GRIN2B: variants seen among roughly 807,000 people sequenced by gnomAD.
GRIN2B encodes glutamate receptor ionotropic, NMDA 2B.
In GRIN2B, 5 loss-of-function variants were observed where a neutral mutation model predicts 114.5. That is an observed-to-expected ratio of 0.04 (90% CI 0.02 to 0.09). The LOEUF is 0.09. GRIN2B is among the 10% of genes least tolerant of loss of function. The pLI is 1.00. For missense variants in GRIN2B, 1,108 were observed against 1,943.5 expected, an observed-to-expected ratio of 0.57 and a Z score of 8.08; for synonymous variants, 787 against 745.1, an observed-to-expected ratio of 1.06 and a Z score of -0.92.
At chr12:13,692,760 C>CTTTTTTTTTTTTTTTTTTT (rs71067718) in intron 4 of GRIN2B, among the ~76,000 whole-genome samples, 10 of 52,120 alleles carry the variant, frequency 1.9e-4, no homozygotes, top group East Asian at 3.0e-4. Context: ...TCTTTCTTTT[C>CTTTTTTTTTTTTTTTTTTT]TTTTTTTTTT....
chr12:13,807,403 T>G (rs1262679751), intron 3 of GRIN2B, among the ~76,000 whole-genome samples: 1 of 152,130 alleles, frequency 6.6e-6, no homozygotes, highest in Non-Finnish European at 1.5e-5. Flanking sequence ...ACTAGCTCAC[T>G]CGTTCACATT....
chr12:13,759,758 T>C (rs546194649), intron 3 of GRIN2B, among the ~76,000 whole-genome samples: 1 of 152,320 alleles, frequency 6.6e-6, no homozygotes, highest in South Asian at 2.1e-4. Flanking sequence ...GATGATCTTT[T>C]GTAAACTTAA....
intron 5 of GRIN2B, among the ~76,000 whole-genome samples, chr12:13,621,761 G>A (rs1175776031): frequency 3.3e-5 from 5 of 151,398 alleles, no homozygotes; most frequent in Admixed American, 2.6e-4. Context: ...TGGTACCTTC[G>A]AGTGGACTTG....
At chr12:13,961,501 A>T (rs545028543) in intron 2 of GRIN2B, among the ~76,000 whole-genome samples, 8 of 152,342 alleles carry the variant, frequency 5.3e-5, no homozygotes, top group South Asian at 2.1e-4. Flanking sequence ...CCAACATATT[A>T]AAAAAGTTAA....
intron 4 of GRIN2B, among the ~76,000 whole-genome samples, chr12:13,704,241 A>G (rs1331142071): frequency 6.6e-6 from 1 of 152,150 alleles, no homozygotes; most frequent in African/African-American, 2.4e-5. Flanking sequence ...ACTTAGCCAG[A>G]TGGGGGCTAC....
chr12:13,690,584 T>C (rs1033022291), intron 4 of GRIN2B, among the ~76,000 whole-genome samples: 25 of 152,182 alleles, frequency 1.6e-4, no homozygotes, highest in African/African-American at 5.5e-4. Context: ...GATGTTTTTC[T>C]CATTACACTG....
chr12:13,572,720 AATTTGTTC>A (rs1250670461), intron 10 of GRIN2B, among the ~76,000 whole-genome samples: 2 of 152,112 alleles, frequency 1.3e-5, no homozygotes, highest in African/African-American at 4.8e-5. Context: ...CTGAACACAA[AATTTGTTC>A]ATTTGTATCT....
intron 2 of GRIN2B, among the ~76,000 whole-genome samples, chr12:13,946,016 A>G (rs1453388507): frequency 6.6e-6 from 1 of 152,212 alleles, no homozygotes; most frequent in African/African-American, 2.4e-5. Context: ...ATTCCAGAGT[A>G]TGATGTTAGA....
At chr12:13,616,721 A>G in intron 5 of GRIN2B, 64 bp from the exon 6 acceptor site, 1 of 1,315,776 alleles carries the variant, frequency 7.6e-7, no homozygotes, top group Non-Finnish European at 1.1e-6. Flanking sequence ...AGCCTGTCCC[A>G]GTATTGTCTG....
chr12:13,834,197 A>ATTTTTTTTTTTTTTTT (rs756189402), intron 3 of GRIN2B, among the ~76,000 whole-genome samples: 14 of 111,502 alleles, frequency 1.3e-4, no homozygotes, highest in African/African-American at 4.4e-4. Context: ...CGCCTGGCTA[A>ATTTTTTTTTTTTTTTT]TTTTTTTTTT....
intron 2 of GRIN2B, among the ~76,000 whole-genome samples, chr12:13,871,380 TA>T (rs71067734): frequency 0.019 from 2,793 of 143,920 alleles, 96 homozygotes; most frequent in African/African-American, 0.066. Context: ...TCCAAAATCT[TA>T]AAAAAAAAAA....
At chr12:13,830,372 T>C (rs981147486) in intron 3 of GRIN2B, among the ~76,000 whole-genome samples, 1 of 152,206 alleles carries the variant, frequency 6.6e-6, no homozygotes, top group Non-Finnish European at 1.5e-5. Context: ...AATAAGTCTT[T>C]TTCAACACAT....
chr12:13,862,757 G>A (rs1865770193), intron 3 of GRIN2B, among the ~76,000 whole-genome samples: 2 of 151,922 alleles, frequency 1.3e-5, no homozygotes, highest in South Asian at 4.2e-4. Flanking sequence ...CTGAGATTTG[G>A]GGACTCTTTT....
chr12:13,635,068 G>C (rs550501296), intron 5 of GRIN2B, among the ~76,000 whole-genome samples: 1 of 152,310 alleles, frequency 6.6e-6, no homozygotes, highest in East Asian at 1.9e-4. Context: ...TCACTTTCGT[G>C]CTGGCACTGC....
chr12:13,917,387 A>G (rs1341198073), intron 2 of GRIN2B, among the ~76,000 whole-genome samples: 2 of 152,158 alleles, frequency 1.3e-5, no homozygotes, highest in African/African-American at 4.8e-5. Context: ...CAAAACTTCC[A>G]GTGGGAGCTG....
At chr12:13,683,234 T>C (rs1243183133) in intron 4 of GRIN2B, among the ~76,000 whole-genome samples, 2 of 151,968 alleles carry the variant, frequency 1.3e-5, no homozygotes, top group African/African-American at 2.4e-5. Flanking sequence ...TGCTTAGTGG[T>C]GAGAGGTGAA....
At chr12:13,663,507 T>C (rs1949944711) in intron 5 of GRIN2B, among the ~76,000 whole-genome samples, 1 of 152,190 alleles carries the variant, frequency 6.6e-6, no homozygotes, top group Admixed American at 6.6e-5. Flanking sequence ...ACCCACAATG[T>C]GCTATATCAA....
rs890283757 is a variant in GRIN2B at position 13,611,927 on chromosome 12, C to T, written c.1655-77G>A. ...TTCGAATTAATTCACATATTCATTT[C>T]ATATTTTAGGGGGTGGGGAACAAAC... On this transcript the variant is annotated intron_variant, in intron 8 of 13. Coordinates refer to ENST00000609686, the MANE Select transcript of GRIN2B (RefSeq NM_000834.5). The T allele has an allele frequency of 6.8e-6, 10 of 1,476,332 alleles. No individual in the cohort carries two copies. In the South Asian group the frequency reaches 7.9e-5, roughly 12 times the overall value. 91.5% of individuals were successfully genotyped at this position (1,476,332 alleles called of 1,614,324 possible). A position where few individuals can be genotyped will look rare whatever the true frequency, so the allele number is the denominator to read the frequency against.
At position 13,876,314 on chromosome 12, in the gene GRIN2B, T is replaced by G. The variant is rs372202550; in HGVS notation, c.-18-10088A>C. ...AGAGTTGTTGTGAATATTAAACAAT[T>G]TACTTGAAAGCATCTAGCACAATGC... On this transcript the variant is annotated intron_variant, in intron 2 of 13. Coordinates refer to ENST00000609686, the MANE Select transcript of GRIN2B (RefSeq NM_000834.5). 2.4e-4 allele frequency among the ~76,000 whole-genome samples: 37 copies of G among 152,254 alleles called. No individual in the cohort carries two copies. The South Asian group carries it at 6.2e-3, about 26-fold the overall frequency.
Sources: allele counts gnomAD v4.1 joint callset (sites outside exome capture counted in the v4.1 genomes callset), GRCh38; gene constraint gnomAD v4.1.1; transcripts MANE v1.5; gene names NCBI Gene and HGNC (gene_info 2026-07-23, HGNC 2026-07-21).